Variants in LPA observed in about 807,000 individuals in gnomAD.
LPA encodes the protein lipoprotein(a).
Under a neutral mutation model 197.9 loss-of-function variants are expected in LPA, and 199 were observed. The ratio of observed to expected loss-of-function variants is 1.01; its 90% CI spans 0.90 to 1.13. LPA has a LOEUF of 1.13. Among genes scored for constraint, LPA ranks in the 50% most tolerant of loss-of-function variants. The pLI, the probability that LPA is intolerant of heterozygous loss-of-function variation, is 0.00. For synonymous variants in LPA, 715 were observed against 639.5 expected, an observed-to-expected ratio of 1.12 and a Z score of -1.78; for missense variants, 1,853 against 1,785.8, an observed-to-expected ratio of 1.04 and a Z score of -0.68.
chr6:160,534,996 T>A (rs1191914585), intron 37 of LPA, among the ~76,000 whole-genome samples: 2 of 151,136 alleles, frequency 1.3e-5, no homozygotes, highest in African/African-American at 4.9e-5. Context: ...ATGATGGTGG[T>A]GATAATGGTG....
rs1693453227 is a variant in LPA at position 160,599,412 on chromosome 6, G to A, written c.3287+88C>T. ...TTCCTCTGCATCTGAGCCAAGTTGA[G>A]TCCTGAGCAGTCACCTTGAAGCATG... On this transcript the variant is annotated intron_variant, in intron 20 of 38. Coordinates refer to ENST00000316300, the MANE Select transcript of LPA (RefSeq NM_005577.4). 5 of 1,567,600 alleles carry A rather than the reference G, an allele frequency of 3.2e-6. No individual in the cohort carries two copies. In the Admixed American group the frequency reaches 8.3e-5, roughly 26 times the overall value.
chr6:160,534,493 G>T (rs568903637), intron 37 of LPA, among the ~76,000 whole-genome samples: 1 of 152,166 alleles, frequency 6.6e-6, no homozygotes, highest in African/African-American at 2.4e-5. Flanking sequence ...GATCAGCCCA[G>T]TGATTGCAGA....
At chr6:160,591,595 T>C (rs989295785) in intron 22 of LPA, among the ~76,000 whole-genome samples, 1 of 152,258 alleles carries the variant, frequency 6.6e-6, no homozygotes, top group African/African-American at 2.4e-5. Flanking sequence ...TTTATTCACA[T>C]ACAGTTTTTC....
At chr6:160,657,225 G>A (rs1780147914) in intron 1 of LPA, among the ~76,000 whole-genome samples, 1 of 151,982 alleles carries the variant, frequency 6.6e-6, no homozygotes, top group African/African-American at 2.4e-5. Context: ...GTATCTTCTG[G>A]ACCCTCCCAG....
At position 160,635,164 on chromosome 6, in the gene LPA, G is replaced by T. The variant is rs1235594462; in HGVS notation, c.1034C>A (p.Thr345Asn). Reference sequence around the variant, plus strand: ...CTCTAGGCTTGGAACCGGGGTAACAGTCGGAGGCGCGACGGCAGTCCCTTC... The same window carrying T: ...CTCTAGGCTTGGAACCGGGGTAACATTCGGAGGCGCGACGGCAGTCCCTTC... ...DAEGTAVAPP[T>N]VTPVPSLEAP... is the part of the protein sequence containing the mutation. Residue 345 changes from threonine (T) to asparagine (N), a missense_variant, in exon 7 of 39, where the codon ACT (threonine) becomes AAT (asparagine). Around this residue, in one of 3 missense-constraint regions of LPA, gnomAD observed 28 missense variants for 198.4 expected, o/e 0.14. Transcript: ENST00000316300. 1 of 1,481,160 alleles carries T rather than the reference G, an allele frequency of 6.8e-7. No homozygotes were observed. The highest frequency in any genetic ancestry group is 9.2e-7 in the Non-Finnish European group (1 of 1,083,536). The allele number at this position is 1,481,160 out of a possible 1,614,324, so 91.8% of individuals were successfully genotyped here.
Position 160,548,617 on chromosome 6 carries a change from T to G in LPA, c.5016A>C (p.Thr1672=). The G allele has an allele frequency of 6.2e-7, 1 of 1,614,118 alleles. No homozygotes were observed. The highest frequency in any genetic ancestry group is 2.2e-5 in the East Asian group (1 of 44,864). ...GGTCCATGGTAAAACACCAAGGGCC[T>G]GTATCGGCATCTGGATTCCTGCAGT... ...MNYCRNPDAD[T]GPWCFTMDPS... Residue 1672 remains threonine (T), a synonymous_variant, in exon 31 of 39, where the codon ACA becomes ACC. Coordinates refer to ENST00000316300, the MANE Select transcript of LPA (RefSeq NM_005577.4).
chr6:160,609,613 A>AT, intron 16 of LPA, among the ~76,000 whole-genome samples: 1 of 152,050 alleles, frequency 6.6e-6, no homozygotes, highest in Non-Finnish European at 1.5e-5. Context: ...GTTATCAGCC[A>AT]TCCGTGATTC....
At chr6:160,606,382 C>T in intron 17 of LPA, 95 bp downstream of exon 17, 1 of 1,520,506 alleles carries the variant, frequency 6.6e-7, no homozygotes, top group South Asian at 1.1e-5. Context: ...ACTCGAGCAT[C>T]CGTTTACCAT....
intron 28 of LPA, among the ~76,000 whole-genome samples, chr6:160,576,690 G>GTATATATATATATATATATA (rs71033585): frequency 1.3e-5 from 1 of 76,680 alleles, no homozygotes; most frequent in African/African-American, 5.1e-5. Flanking sequence ...GTGTGTGTGT[G>GTATATATATATATATATATA]TATATATATA....
chr6:160,597,318 A>G (rs1163839045), intron 20 of LPA, among the ~76,000 whole-genome samples: 1 of 152,182 alleles, frequency 6.6e-6, no homozygotes, highest in South Asian at 2.1e-4. Flanking sequence ...TTCTCTCTTC[A>G]GTTGTGTCAG....
rs558127686 is a variant in LPA at position 160,609,552 on chromosome 6, C to A, written c.2603+2010G>T. ...TTTTCTCGAAATTTCCTATTTGATC[C>A]CTTTAGTTTCATGAATCTGTGATTT... On this transcript the variant is annotated intron_variant, in intron 16 of 38. Transcript: ENST00000316300. Among the ~76,000 whole-genome samples, 49 of 151,860 alleles carry A rather than the reference C, an allele frequency of 3.2e-4. 1 individual carries two copies. Among genetic ancestry groups the A allele is most frequent in the African/African-American group, 1.5e-4 (6 of 41,350 alleles).
intron 16 of LPA, among the ~76,000 whole-genome samples, chr6:160,607,329 A>G (rs1324081664): frequency 6.6e-6 from 1 of 152,172 alleles, no homozygotes; most frequent in African/African-American, 2.4e-5. Context: ...GCTCCCAGGC[A>G]GAATGCAGCA....
In LPA at chr6:160,577,279, G is replaced by C. The variant is rs753517059; in HGVS notation, c.4488C>G (p.Ser1496Arg). ...APSEQAPPEK[S>R]PVVQDCYHGD... Reference sequence around the variant, plus strand: ...CATGGTAGCAATCCTGGACCACAGGGCTTTTCTCAGGTGGTGCTGAAATTA... The same window carrying C: ...CATGGTAGCAATCCTGGACCACAGGCCTTTTCTCAGGTGGTGCTGAAATTA... Residue 1496 changes from serine (S) to arginine (R), a missense_variant, in exon 28 of 39, where the codon AGC (serine) becomes AGG (arginine). Ser to Arg is a moderately radical substitution (Grantham distance 110). Coordinates refer to ENST00000316300, the MANE Select transcript of LPA (RefSeq NM_005577.4). 6.2e-6 allele frequency: 10 copies of C among 1,613,624 alleles called. No homozygotes were observed. Among genetic ancestry groups the C allele is most frequent in the Non-Finnish European group, 8.5e-6 (10 of 1,179,744 alleles).
chr6:160,635,646 G>A (rs1181591580), intron 6 of LPA, among the ~76,000 whole-genome samples: 4 of 124,192 alleles, frequency 3.2e-5, no homozygotes, highest in Middle Eastern at 4.0e-3. Context: ...TAACTGGTAT[G>A]GGTTTTGACG....
intron 28 of LPA, among the ~76,000 whole-genome samples, chr6:160,564,750 A>C (rs1778421298): frequency 6.6e-6 from 1 of 152,218 alleles, no homozygotes; most frequent in African/African-American, 2.4e-5. Flanking sequence ...TTCCTAGCCA[A>C]GGGAAGCCAT....
intron 37 of LPA, among the ~76,000 whole-genome samples, chr6:160,533,853 C>T (rs1777843503): frequency 6.6e-6 from 1 of 152,204 alleles, no homozygotes; most frequent in Non-Finnish European, 1.5e-5. Flanking sequence ...GCTTAATTTC[C>T]TTCGCCAAAT....
chr6:160,664,101 T>G (rs1780269810), intron 1 of LPA, 65 bp downstream of exon 1: 1 of 1,309,846 alleles, frequency 7.6e-7, no homozygotes, highest in Non-Finnish European at 1.1e-6. Context: ...AGCCATGGCA[T>G]ATGTATTTTT....
chr6:160,604,982 T>C (rs1022343783), intron 18 of LPA, 64 bp downstream of exon 18: 2 of 1,604,980 alleles, frequency 1.2e-6, no homozygotes, highest in African/African-American at 2.7e-5. Context: ...GCTTGAAGCA[T>C]GACTCTACTA....
chr6:160,584,534 G>A (rs539651994), intron 26 of LPA, among the ~76,000 whole-genome samples: 2 of 151,936 alleles, frequency 1.3e-5, no homozygotes, highest in African/African-American at 2.4e-5. Context: ...GTTTTGCCAT[G>A]TTAGCCAGGC....
Sources: gnomAD v4.1 joint callset for allele counts (sites outside exome capture counted in the v4.1 genomes callset) on GRCh38, gnomAD v4.1.1 for gene constraint, gnomAD v4.1.1 regional missense constraint, MANE v1.5 for transcripts, NCBI Gene and HGNC (gene_info 2026-07-23, HGNC 2026-07-21) for gene names.